Variants in LUZP2 observed in about 807,000 individuals in gnomAD.
LUZP2 encodes the protein leucine zipper protein 2.
A neutral mutation model predicts 51.6 loss-of-function variants in LUZP2; 52 were observed. The ratio of observed to expected loss-of-function variants is 1.01; its 90% CI spans 0.81 to 1.27. LUZP2 has a LOEUF of 1.27. LUZP2 is among the 50% of genes most tolerant of loss of function. The pLI, the probability that LUZP2 is intolerant of heterozygous loss-of-function variation, is 0.00. For missense variants in LUZP2, 436 were observed against 395.4 expected (o/e 1.10, Z -0.87); for synonymous variants, 154 against 137.3 (o/e 1.12, Z -0.85).
intron 9 of LUZP2, among the ~76,000 whole-genome samples, chr11:25,031,626 C>G (rs1165912635): frequency 6.6e-6 from 1 of 152,070 alleles, no homozygotes; most frequent in Non-Finnish European, 1.5e-5. Flanking sequence ...GTGTCCCTCT[C>G]TTTACTATCA....
intron 1 of LUZP2, among the ~76,000 whole-genome samples, chr11:24,545,339 T>C (rs953404349): frequency 5.3e-5 from 8 of 151,970 alleles, no homozygotes; most frequent in Non-Finnish European, 1.0e-4. Flanking sequence ...TCATCATGAA[T>C]TCTTTGCTCC....
At chr11:24,942,037 A>G (rs1384551582) in intron 7 of LUZP2, among the ~76,000 whole-genome samples, 1 of 152,118 alleles carries the variant, frequency 6.6e-6, no homozygotes, top group Non-Finnish European at 1.5e-5. Flanking sequence ...GTTGTTTGAT[A>G]TGTCAGTCAT....
rs147807175 is a variant in LUZP2, at chr11:25,077,427, G to A, written c.936+21G>A. On this transcript the variant is annotated intron_variant, in intron 11 of 11. Coordinates refer to ENST00000336930, the MANE Select transcript of LUZP2 (RefSeq NM_001009909.4). ...CACAGGTATGTGTTTGTTTTATTTC[G>A]TTTGTGTCAAAAAGCATTTATTGGA... The A allele has an allele frequency of 6.8e-5, 100 of 1,461,234 alleles. No homozygotes were observed. In the East Asian group the frequency reaches 1.3e-3, roughly 19 times the overall value. The allele number at this position is 1,461,234 out of a possible 1,614,324, so 90.5% of individuals were successfully genotyped here.
Position 24,853,978 on chromosome 11 carries a change from TCCTC to T in LUZP2, c.397-52008_397-52005del, listed in dbSNP as rs751431853. On this transcript the variant is annotated intron_variant, in intron 5 of 11. Coordinates refer to ENST00000336930, the MANE Select transcript of LUZP2 (RefSeq NM_001009909.4). Reference sequence around the variant, plus strand: ...TAGAACAGCAAAGATTGCCGCCTGTTCCTCCCTCTGGAGGCTTTGTCTCAGAGGA... The same window carrying T: ...TAGAACAGCAAAGATTGCCGCCTGTTCCTCTGGAGGCTTTGTCTCAGAGGA... Among the ~76,000 whole-genome samples, 54 of 152,276 alleles carry T rather than the reference TCCTC, an allele frequency of 3.5e-4. No homozygotes were observed. In the Middle Eastern group the frequency reaches 0.01, roughly 29 times the overall value.
intron 5 of LUZP2, among the ~76,000 whole-genome samples, chr11:24,841,608 A>C (rs1851035742): frequency 6.6e-6 from 1 of 152,116 alleles, no homozygotes; most frequent in African/African-American, 2.4e-5. Flanking sequence ...ATGTAACTTT[A>C]AATGCCTTCC....
chr11:24,553,010 A>G (rs1241001180), intron 1 of LUZP2, among the ~76,000 whole-genome samples: 1 of 151,522 alleles, frequency 6.6e-6, no homozygotes. Context: ...TATTAAAGAA[A>G]TGTGCCTTAC....
rs1162244171 is a variant in LUZP2 at position 24,716,467 on chromosome 11, C to T, written c.63-12702C>T. The stretch of plus-strand genomic sequence containing the variant: ...AAACAGTTAGAAATATAAATTACGG[C>T]AGGACAGACATCAAAGGAGTGAAAA... On this transcript the variant is annotated intron_variant, in intron 1 of 11. Coordinates refer to ENST00000336930, the MANE Select transcript of LUZP2 (RefSeq NM_001009909.4). Among the ~76,000 whole-genome samples, 4 of 152,116 alleles carry T rather than the reference C, an allele frequency of 2.6e-5. 1 individual carries two copies. In the South Asian group the frequency reaches 8.3e-4, roughly 31 times the overall value.
intron 5 of LUZP2, among the ~76,000 whole-genome samples, chr11:24,839,098 C>T (rs1850945936): frequency 6.6e-6 from 1 of 151,662 alleles, no homozygotes. Flanking sequence ...GTTGTATACT[C>T]ATGAGCATTT....
intron 5 of LUZP2, among the ~76,000 whole-genome samples, chr11:24,821,742 C>T (rs547481448): frequency 1.2e-4 from 18 of 151,882 alleles, no homozygotes; most frequent in African/African-American, 3.6e-4. Context: ...TTTTCAGATA[C>T]TTTGAATGTA....
chr11:24,631,287 G>T (rs1854879994), intron 1 of LUZP2, among the ~76,000 whole-genome samples: 1 of 151,528 alleles, frequency 6.6e-6, no homozygotes, highest in Non-Finnish European at 1.5e-5. Context: ...AGTGTTTTCA[G>T]CTTTTCTCCA....
intron 6 of LUZP2, among the ~76,000 whole-genome samples, chr11:24,912,220 C>T (rs905587711): frequency 6.6e-6 from 1 of 150,426 alleles, no homozygotes; most frequent in Non-Finnish European, 1.5e-5. Context: ...TTTCTCTCTC[C>T]TTCTCTTCCT....
intron 1 of LUZP2, among the ~76,000 whole-genome samples, chr11:24,532,335 A>G (rs1851032299): frequency 6.6e-6 from 1 of 151,056 alleles, no homozygotes; most frequent in South Asian, 2.1e-4. Flanking sequence ...AAATATGACT[A>G]TTGATTTATT....
rs188742765 is a variant in LUZP2, at chr11:24,964,076, A to C, written c.523-12515A>C. Among the ~76,000 whole-genome samples, 221 of 151,580 alleles carry C rather than the reference A, an allele frequency of 1.5e-3. 3 individuals are homozygous for C. The highest frequency in any genetic ancestry group is 7.4e-4 in the Non-Finnish European group (50 of 67,872). On this transcript the variant is annotated intron_variant, in intron 7 of 11. Transcript: ENST00000336930. Reference sequence around the variant, plus strand: ...AATTCTATTTTCAGTGTTTTGAGAAACCTCCATATGGTTTTCTTCAATGGC... The same window carrying C: ...AATTCTATTTTCAGTGTTTTGAGAACCCTCCATATGGTTTTCTTCAATGGC...
At chr11:25,015,114 A>T (rs181890146) in intron 9 of LUZP2, among the ~76,000 whole-genome samples, 1 of 152,270 alleles carries the variant, frequency 6.6e-6, no homozygotes, top group Admixed American at 6.5e-5. Context: ...ATTTTAGAAA[A>T]TGTTATTAAT....
At chr11:24,743,416 G>A (rs1422914371) in intron 4 of LUZP2, among the ~76,000 whole-genome samples, 1 of 151,892 alleles carries the variant, frequency 6.6e-6, no homozygotes. Flanking sequence ...TCCTTGGTTA[G>A]GTATATTCCT....
At chr11:24,502,528 C>T (rs536642764) in intron 1 of LUZP2, among the ~76,000 whole-genome samples, 11 of 152,034 alleles carry the variant, frequency 7.2e-5, no homozygotes, top group South Asian at 4.1e-4. Context: ...AGATTACAGG[C>T]GCCTGCCACC....
intron 5 of LUZP2, among the ~76,000 whole-genome samples, chr11:24,868,858 A>G (rs533691367): frequency 5.9e-5 from 9 of 152,156 alleles, no homozygotes; most frequent in Non-Finnish European, 1.3e-4. Flanking sequence ...AAAGACAATC[A>G]GGTATTAAAA....
intron 9 of LUZP2, among the ~76,000 whole-genome samples, chr11:24,997,529 A>G (rs1026070094): frequency 6.6e-6 from 1 of 152,224 alleles, no homozygotes; most frequent in Non-Finnish European, 1.5e-5. Flanking sequence ...GCCCTTTGTC[A>G]GATGAGTAGG....
At chr11:24,843,246 A>G (rs2134204476) in intron 5 of LUZP2, among the ~76,000 whole-genome samples, 1 of 152,218 alleles carries the variant, frequency 6.6e-6, no homozygotes, top group East Asian at 1.9e-4. Flanking sequence ...CCAAAGATAA[A>G]AAAACAAAAC....
Sources: gnomAD v4.1 joint callset for allele counts (sites outside exome capture counted in the v4.1 genomes callset) on GRCh38, gnomAD v4.1.1 for gene constraint, MANE v1.5 for transcripts, NCBI Gene and HGNC (gene_info 2026-07-23, HGNC 2026-07-21) for gene names.